Variants in NR6A1 observed in about 807,000 individuals in gnomAD.
NR6A1 encodes retinoic acid receptor-related testis-associated receptor.
Under a neutral mutation model 59.1 loss-of-function variants are expected in NR6A1, and 7 were observed. The observed-to-expected ratio is 0.12, with a 90% CI of 0.07 to 0.22. The LOEUF is 0.22. Among genes scored for constraint, NR6A1 ranks in the 10% least tolerant of loss-of-function variants. The pLI is 1.00. For synonymous variants in NR6A1, 243 were observed against 236.1 expected (o/e 1.03, Z -0.27); for missense variants, 468 against 611.6 (o/e 0.77, Z 2.48).
At chr9:124,629,323 T>C (rs1836350907) in intron 2 of NR6A1, among the ~76,000 whole-genome samples, 1 of 152,236 alleles carries the variant, frequency 6.6e-6, no homozygotes, top group Non-Finnish European at 1.5e-5. Context: ...AGACTGTATT[T>C]TCCTGCAACA....
At chr9:124,621,696 T>C (rs546850262) in intron 2 of NR6A1, among the ~76,000 whole-genome samples, 72 of 152,152 alleles carry the variant, frequency 4.7e-4, no homozygotes, top group Admixed American at 9.8e-4. Context: ...TTCTTACTAA[T>C]ATGAAAAATA....
chr9:124,582,267 G>A (rs1399169686), intron 2 of NR6A1, among the ~76,000 whole-genome samples: 1 of 151,998 alleles, frequency 6.6e-6, no homozygotes, highest in Non-Finnish European at 1.5e-5. Flanking sequence ...GATCTGCAAG[G>A]ACACAGATGA....
rs148544173 is a variant in NR6A1, at chr9:124,522,023, T to C, written c.*682A>G. ...ACAGAAATTCTTCTGCCCTTAGGAC[T>C]TGTTGGGTGGAAGGACACCTGCCTT... is the stretch of plus-strand genomic sequence containing the variant. On this transcript the variant is annotated 3_prime_UTR_variant, in exon 10 of 10. Coordinates refer to ENST00000487099, the MANE Select transcript of NR6A1 (RefSeq NM_033334.4). 6.6e-6 allele frequency: 1 copy of C among 152,164 alleles called. No homozygotes were observed. Among genetic ancestry groups the C allele is most frequent in the Non-Finnish European group, 1.5e-5 (1 of 68,038 alleles). 9.4% of individuals were successfully genotyped at this position (152,164 alleles called of 1,614,324 possible). A position where few individuals can be genotyped will look rare whatever the true frequency, so the allele number is the denominator to read the frequency against.
At chr9:124,665,927 A>C (rs2130954398) in intron 2 of NR6A1, among the ~76,000 whole-genome samples, 1 of 152,336 alleles carries the variant, frequency 6.6e-6, no homozygotes, top group South Asian at 2.1e-4. Context: ...AATACAATGA[A>C]GTTGTTGTTA....
At chr9:124,552,028 C>T (rs887643368) in intron 3 of NR6A1, among the ~76,000 whole-genome samples, 6 of 152,176 alleles carry the variant, frequency 3.9e-5, no homozygotes, top group Admixed American at 6.5e-5. Flanking sequence ...CCTCATACTC[C>T]GTGTGTCTTC....
chr9:124,728,438 A>G (rs1839789119), intron 2 of NR6A1, among the ~76,000 whole-genome samples: 1 of 151,898 alleles, frequency 6.6e-6, no homozygotes, highest in Non-Finnish European at 1.5e-5. Flanking sequence ...GTTCAAGACC[A>G]GCGTGGCCAA....
intron 2 of NR6A1, among the ~76,000 whole-genome samples, chr9:124,636,713 G>T (rs564070938): frequency 6.6e-6 from 1 of 152,160 alleles, no homozygotes; most frequent in South Asian, 2.1e-4. Context: ...CTATGTCAAA[G>T]ATCAGTTGAC....
At chr9:124,691,788 A>G (rs1838553874) in intron 2 of NR6A1, among the ~76,000 whole-genome samples, 1 of 152,230 alleles carries the variant, frequency 6.6e-6, no homozygotes, top group Non-Finnish European at 1.5e-5. Flanking sequence ...ATCTCAGCAA[A>G]GGAGATCATC....
At chr9:124,767,146 T>C (rs1217477714) in intron 1 of NR6A1, among the ~76,000 whole-genome samples, 2 of 152,086 alleles carry the variant, frequency 1.3e-5, no homozygotes, top group Non-Finnish European at 2.9e-5. Flanking sequence ...AGGAAAAAAG[T>C]AGGGAATGAG....
chr9:124,739,497 C>A, intron 1 of NR6A1, among the ~76,000 whole-genome samples: 1 of 152,192 alleles, frequency 6.6e-6, no homozygotes, highest in East Asian at 1.9e-4. Flanking sequence ...TTCTGTAGCC[C>A]AGGCTGGGGT....
chr9:124,644,517 G>C (rs564045068), intron 2 of NR6A1, among the ~76,000 whole-genome samples: 2 of 152,200 alleles, frequency 1.3e-5, no homozygotes, highest in Admixed American at 1.3e-4. Context: ...TTCCCAAAGT[G>C]CTGGAATTAC....
intron 2 of NR6A1, among the ~76,000 whole-genome samples, chr9:124,627,746 A>AT (rs1471029713): frequency 3.3e-5 from 5 of 151,872 alleles, no homozygotes; most frequent in Non-Finnish European, 7.4e-5. Flanking sequence ...TAATTTTCAA[A>AT]TTTTTTTGTA....
rs528232366 is a variant in NR6A1, at chr9:124,683,182, A to G, written c.142+50126T>C. 4.6e-5 allele frequency among the ~76,000 whole-genome samples: 7 copies of G among 152,194 alleles called. No individual in the cohort carries two copies. The East Asian group carries it at 1.4e-3, about 29-fold the overall frequency. ...ACGCCACTACACTCCAGCCTGGGGCATAGAGTGAGACCCTCCAAGACAGAA... is the reference window on the plus strand; with the variant it reads ...ACGCCACTACACTCCAGCCTGGGGCGTAGAGTGAGACCCTCCAAGACAGAA... On this transcript the variant is annotated intron_variant, in intron 2 of 9. Transcript: ENST00000487099.
At chr9:124,711,829 G>C (rs1427992663) in intron 2 of NR6A1, among the ~76,000 whole-genome samples, 1 of 152,204 alleles carries the variant, frequency 6.6e-6, no homozygotes, top group Non-Finnish European at 1.5e-5. Context: ...GTCTCACTAT[G>C]CTGCCCAGGC....
chr9:124,599,285 A>G (rs1255733447), intron 2 of NR6A1: 1 of 397,008 alleles, frequency 2.5e-6, no homozygotes, highest in African/African-American at 2.1e-5. Context: ...TCTACTAAAA[A>G]TACAAAAAAT....
At chr9:124,648,705 G>C (rs1416524206) in intron 2 of NR6A1, among the ~76,000 whole-genome samples, 6 of 148,788 alleles carry the variant, frequency 4.0e-5, no homozygotes, top group Non-Finnish European at 5.9e-5. Flanking sequence ...TAAAGATACT[G>C]CTAAAAAAAA....
At chr9:124,585,561 G>A (rs1046193147) in intron 2 of NR6A1, among the ~76,000 whole-genome samples, 3 of 128,400 alleles carry the variant, frequency 2.3e-5, no homozygotes, top group African/African-American at 9.4e-5. Context: ...AAAAAAAAGG[G>A]GGGGGGGGGC....
intron 9 of NR6A1, among the ~76,000 whole-genome samples, chr9:124,523,773 T>A (rs184422768): frequency 6.6e-6 from 1 of 152,184 alleles, no homozygotes; most frequent in Admixed American, 6.5e-5. Context: ...GAAAAAAAAA[T>A]TCCCTTGTCA....
At chr9:124,563,257 G>A (rs549414935) in intron 2 of NR6A1, among the ~76,000 whole-genome samples, 1 of 152,270 alleles carries the variant, frequency 6.6e-6, no homozygotes, top group East Asian at 1.9e-4. Flanking sequence ...CATATGTACC[G>A]AGAAAGGGTA....
Sources: allele counts gnomAD v4.1 joint callset (sites outside exome capture counted in the v4.1 genomes callset), GRCh38; gene constraint gnomAD v4.1.1; transcripts MANE v1.5; gene names NCBI Gene and HGNC (gene_info 2026-07-23, HGNC 2026-07-21).